NRG1: variants seen among roughly 807,000 people sequenced by gnomAD.
The protein encoded by NRG1 is neuregulin 1.
In NRG1, 18 loss-of-function variants were observed where a neutral mutation model predicts 63.8. The observed-to-expected ratio is 0.28, with a 90% CI of 0.19 to 0.42. The LOEUF is 0.42. Ranked by LOEUF, NRG1 falls within the 10% of genes least tolerant of loss-of-function variation. NRG1 has a pLI of 1.00. For missense variants in NRG1, 762 were observed against 814.7 expected (o/e 0.94, Z 0.79); for synonymous variants, 302 against 301.3 (o/e 1.00, Z -0.02).
intron 1 of NRG1, among the ~76,000 whole-genome samples, chr8:31,771,640 A>T (rs1332963300): frequency 6.6e-6 from 1 of 152,178 alleles, no homozygotes; most frequent in Non-Finnish European, 1.5e-5. Context: ...GTTATAGGAA[A>T]ACAGAAAGGT....
At chr8:32,233,563 A>ATATATATATATATATATAT (rs34593729) in intron 1 of NRG1, among the ~76,000 whole-genome samples, 2 of 67,248 alleles carry the variant, frequency 3.0e-5, no homozygotes, top group Non-Finnish European at 5.0e-5. Context: ...ATATATATAT[A>ATATATATATATATATATAT]TTTTTTTTTT....
At chr8:32,098,342 A>T (rs1830147961) in intron 1 of NRG1, among the ~76,000 whole-genome samples, 1 of 152,194 alleles carries the variant, frequency 6.6e-6, no homozygotes, top group Admixed American at 6.5e-5. Context: ...CTGGCATATG[A>T]TGTGCCTGGC....
intron 5 of NRG1, among the ~76,000 whole-genome samples, chr8:32,705,410 C>T (rs142855517): frequency 0.016 from 2,406 of 152,210 alleles, 31 homozygotes; most frequent in Non-Finnish European, 0.028. Context: ...AGATTACAGG[C>T]GTGAGCCACC....
At chr8:32,463,966 C>T (rs1289949827) in intron 1 of NRG1, among the ~76,000 whole-genome samples, 3 of 128,688 alleles carry the variant, frequency 2.3e-5, no homozygotes, top group African/African-American at 5.7e-5. Flanking sequence ...GATCTTGGCT[C>T]ACTGCAACCT....
chr8:32,106,082 G>A lies in NRG1; in HGVS notation c.37+466651G>A, dbSNP rs370600249. ...GAAAAATAGAGTTGAGAAGGAAAAA[G>A]TACAAACGTTGTGTGTGCATATAAC... On this transcript the variant is annotated intron_variant, in intron 1 of 10. Coordinates refer to the NRG1 transcript ENST00000519301. Among the ~76,000 whole-genome samples, 90 of 152,288 alleles carry A rather than the reference G, an allele frequency of 5.9e-4. 1 individual carries two copies. In the Middle Eastern group the frequency reaches 0.01, roughly 17 times the overall value.
At chr8:31,656,764 A>G (rs768507681) in intron 1 of NRG1, among the ~76,000 whole-genome samples, 1 of 152,136 alleles carries the variant, frequency 6.6e-6, no homozygotes, top group Non-Finnish European at 1.5e-5. Context: ...TCAGTGACAA[A>G]TTATTGTTCA....
intron 1 of NRG1, among the ~76,000 whole-genome samples, chr8:31,931,054 G>A (rs1387420457): frequency 6.6e-6 from 1 of 152,090 alleles, no homozygotes; most frequent in Non-Finnish European, 1.5e-5. Context: ...ATTCAATTCA[G>A]ATAGAGGCTA....
intron 1 of NRG1, among the ~76,000 whole-genome samples, chr8:31,933,515 C>A (rs549733346): frequency 9.5e-4 from 144 of 152,316 alleles, no homozygotes; most frequent in African/African-American, 3.2e-3. Flanking sequence ...CCCCTGACCT[C>A]AGGTGATCCA....
chr8:32,442,948 G>A (rs1216597426), intron 1 of NRG1, among the ~76,000 whole-genome samples: 1 of 148,652 alleles, frequency 6.7e-6, no homozygotes, highest in Non-Finnish European at 1.5e-5. Flanking sequence ...TTTTTTTTCT[G>A]AGTCAGGGTC....
intron 1 of NRG1, among the ~76,000 whole-genome samples, chr8:32,414,287 A>G (rs1165365140): frequency 6.6e-6 from 1 of 152,184 alleles, no homozygotes; most frequent in East Asian, 1.9e-4. Context: ...CAGGAAAAAC[A>G]CAAGATGAGT....
chr8:32,145,054 C>T (rs904051802), intron 1 of NRG1, among the ~76,000 whole-genome samples: 1 of 152,148 alleles, frequency 6.6e-6, no homozygotes, highest in Non-Finnish European at 1.5e-5. Flanking sequence ...TTCACAAGCT[C>T]TGCGAGATAT....
At position 31,906,442 on chromosome 8, in the gene NRG1, T is replaced by C. The variant is rs117316767; in HGVS notation, c.37+267011T>C. Among the ~76,000 whole-genome samples, 632 of 152,240 alleles carry C rather than the reference T, an allele frequency of 4.2e-3. 1 individual carries two copies. Among genetic ancestry groups the C allele is most frequent in the Middle Eastern group, 0.024 (7 of 294 alleles). ...GAGATGGAGATCCTTGGGAGCTGAG[T>C]TGGAGGCTGCTACCATAGCTATATC... On this transcript the variant is annotated intron_variant, in intron 1 of 10. Coordinates refer to the NRG1 transcript ENST00000519301.
chr8:31,823,776 C>A (rs1824237125), intron 1 of NRG1, among the ~76,000 whole-genome samples: 1 of 152,174 alleles, frequency 6.6e-6, no homozygotes, highest in Non-Finnish European at 1.5e-5. Flanking sequence ...CTGGGCAATT[C>A]ACTTATGTTA....
intron 1 of NRG1, among the ~76,000 whole-genome samples, chr8:32,229,921 T>C (rs1563930628): frequency 6.6e-6 from 1 of 152,110 alleles, no homozygotes; most frequent in Non-Finnish European, 1.5e-5. Context: ...GAAATAGCTG[T>C]CCTGCCCCAG....
intron 1 of NRG1, among the ~76,000 whole-genome samples, chr8:31,719,240 A>G (rs1050187771): frequency 1.1e-4 from 17 of 152,140 alleles, no homozygotes; most frequent in African/African-American, 4.1e-4. Flanking sequence ...CTTTAATCTC[A>G]TTTGGTTGAT....
At chr8:32,674,095 C>G (rs1159544894) in intron 5 of NRG1, among the ~76,000 whole-genome samples, 1 of 152,022 alleles carries the variant, frequency 6.6e-6, no homozygotes, top group Non-Finnish European at 1.5e-5. Context: ...TATTTCTAAC[C>G]CTGTACAGGT....
chr8:32,084,589 T>G (rs1166491076), intron 1 of NRG1, among the ~76,000 whole-genome samples: 1 of 152,208 alleles, frequency 6.6e-6, no homozygotes, highest in African/African-American at 2.4e-5. Context: ...AGATGCCATG[T>G]GTTACTTAAA....
intron 1 of NRG1, among the ~76,000 whole-genome samples, chr8:31,770,713 A>G (rs1054699104): frequency 1.3e-5 from 2 of 151,390 alleles, no homozygotes; most frequent in Admixed American, 6.6e-5. Flanking sequence ...GCATGTATAC[A>G]TATGTAACAA....
At chr8:31,706,126 A>G (rs1417158358) in intron 1 of NRG1, among the ~76,000 whole-genome samples, 1 of 152,236 alleles carries the variant, frequency 6.6e-6, no homozygotes, top group Admixed American at 6.5e-5. Flanking sequence ...ATGAGTACAT[A>G]GTAAGAGATT....
Sources: allele counts gnomAD v4.1 joint callset (sites outside exome capture counted in the v4.1 genomes callset), GRCh38; gene constraint gnomAD v4.1.1; transcripts MANE v1.5; gene names NCBI Gene and HGNC (gene_info 2026-07-23, HGNC 2026-07-21).